SNX6: variants seen among roughly 807,000 people sequenced by gnomAD.
SNX6 encodes sorting nexin 6.
In SNX6, 34 loss-of-function variants were observed where a neutral mutation model predicts 63.0. The observed-to-expected ratio is 0.54, with a 90% CI of 0.41 to 0.72. The LOEUF is 0.72. Among genes scored for constraint, SNX6 ranks in the 30% least tolerant of loss-of-function variants. SNX6 has a pLI of 0.00. For synonymous variants in SNX6, 170 were observed against 164.2 expected (o/e 1.04, Z -0.27); for missense variants, 398 against 471.4 (o/e 0.84, Z 1.44).
At position 34,608,132 on chromosome 14, in the gene SNX6, C is replaced by T. The variant is rs1209713303; in HGVS notation, c.168G>A (p.Leu56=). The T allele has an allele frequency of 4.4e-6, 7 of 1,580,022 alleles. No individual in the cohort carries two copies. In the Admixed American group the frequency reaches 1.1e-4, roughly 24 times the overall value. ...VKFTVHTKSS[L]PNFKQNEFSV... is the part of the protein sequence containing the mutation. ...AAAACTCGTTTTGTTTAAAATTTGG[C>T]AATGAACTCTGTAAAGATAGAGATT... is the stretch of plus-strand genomic sequence containing the variant. The change falls in exon 4 of 14, where the codon TTG becomes TTA. Residue 56 remains leucine, a synonymous_variant. Transcript: ENST00000362031.
chr14:34,623,854 T>C (rs886772791), intron 2 of SNX6, among the ~76,000 whole-genome samples: 10 of 152,174 alleles, frequency 6.6e-5, no homozygotes, highest in African/African-American at 2.4e-4. Context: ...TATTTAGAAC[T>C]GAAATCAAGT....
chr14:34,570,173 A>G (rs972557621), intron 11 of SNX6, among the ~76,000 whole-genome samples: 1 of 151,742 alleles, frequency 6.6e-6, no homozygotes, highest in Non-Finnish European at 1.5e-5. Flanking sequence ...GGTTCAAGCA[A>G]TTCTCCTGCC....
chr14:34,630,054 C>CCCGCGCCCGCT, intron 1 of SNX6, 57 bp downstream of exon 1: 1 of 1,457,860 alleles, frequency 6.9e-7, no homozygotes, highest in Non-Finnish European at 9.0e-7. Context: ...CCGCGCCCGC[C>CCCGCGCCCGCT]CCGCGCCCGC....
chr14:34,596,649 T>C (rs1489946261), intron 7 of SNX6, among the ~76,000 whole-genome samples: 1 of 144,234 alleles, frequency 6.9e-6, no homozygotes, highest in African/African-American at 2.5e-5. Context: ...AGAGAGAAAA[T>C]GGAAAAGCTG....
At chr14:34,601,615 T>A (rs1004080612) in intron 6 of SNX6, among the ~76,000 whole-genome samples, 2 of 150,358 alleles carry the variant, frequency 1.3e-5, no homozygotes, top group African/African-American at 4.9e-5. Flanking sequence ...TTTTTTGAGA[T>A]GGGAATTTCA....
At chr14:34,626,991 C>T (rs184003100) in intron 2 of SNX6, among the ~76,000 whole-genome samples, 1 of 152,152 alleles carries the variant, frequency 6.6e-6, no homozygotes, top group East Asian at 1.9e-4. Flanking sequence ...TGCTAGTTTC[C>T]GCTATTTTAA....
intron 10 of SNX6, 26 bp downstream of exon 10, chr14:34,581,535 G>A (rs775765867): frequency 7.7e-7 from 1 of 1,293,024 alleles, no homozygotes; most frequent in Non-Finnish European, 1.1e-6. Flanking sequence ...ATATTATGCA[G>A]TATATCTCTA....
chr14:34,568,771 C>A, intron 11 of SNX6: 1 of 918,420 alleles, frequency 1.1e-6, no homozygotes, highest in Non-Finnish European at 1.8e-6. Context: ...TTTGCGGCCC[C>A]CATCTTGGTC....
chr14:34,587,074 C>T (rs570840168), intron 8 of SNX6, among the ~76,000 whole-genome samples: 130 of 142,484 alleles, frequency 9.1e-4, no homozygotes, highest in Admixed American at 4.5e-3. Flanking sequence ...CATTAATAGA[C>T]GTGACATGAT....
intron 2 of SNX6, among the ~76,000 whole-genome samples, chr14:34,626,661 T>C (rs1594755249): frequency 8.9e-6 from 1 of 112,528 alleles, no homozygotes; most frequent in South Asian, 3.0e-4. Context: ...AGAGCGAGAC[T>C]CCATTTCAAA....
intron 9 of SNX6, among the ~76,000 whole-genome samples, chr14:34,583,957 C>A (rs1039159606): frequency 2.0e-5 from 3 of 151,382 alleles, no homozygotes; most frequent in Non-Finnish European, 2.9e-5. Flanking sequence ...AAGCGATTCT[C>A]CTGCCTCAGC....
At chr14:34,600,933 G>A (rs903249873) in intron 6 of SNX6, among the ~76,000 whole-genome samples, 4 of 151,712 alleles carry the variant, frequency 2.6e-5, no homozygotes, top group African/African-American at 9.7e-5. Flanking sequence ...CAGAGGAGTC[G>A]CTTGAACCTG....
rs978881716 is a variant in SNX6 at position 34,612,336 on chromosome 14, T to C, written c.55-2594A>G. Among the ~76,000 whole-genome samples the C allele has an allele frequency of 4.6e-5, 7 of 152,208 alleles. No homozygotes were observed. The South Asian group carries it at 6.2e-4, about 14-fold the overall frequency. On this transcript the variant is annotated intron_variant, in intron 2 of 13. Coordinates refer to ENST00000362031, the MANE Select transcript of SNX6 (RefSeq NM_152233.4). ...CCTAGGAGCTGTAAATGTTACCTTA[T>C]ATGTCAATAAATGACTTTGCAGATG... is the stretch of plus-strand genomic sequence containing the variant.
intron 2 of SNX6, among the ~76,000 whole-genome samples, chr14:34,613,742 A>G (rs1401112361): frequency 6.6e-6 from 1 of 152,018 alleles, no homozygotes; most frequent in Non-Finnish European, 1.5e-5. Context: ...GCAGTGAGCC[A>G]AGATAGCGCC....
chr14:34,624,233 T>C (rs974619178), intron 2 of SNX6, among the ~76,000 whole-genome samples: 1 of 152,124 alleles, frequency 6.6e-6, no homozygotes. Context: ...CCCAAGTAGC[T>C]GGGATTACAG....
chr14:34,607,668 G>A (rs1883074044), intron 4 of SNX6, among the ~76,000 whole-genome samples: 1 of 151,804 alleles, frequency 6.6e-6, no homozygotes, highest in Non-Finnish European at 1.5e-5. Context: ...AGCACTTTGG[G>A]AGGCCAAGGT....
chr14:34,623,725 C>T (rs1022458025), intron 2 of SNX6, among the ~76,000 whole-genome samples: 1 of 152,088 alleles, frequency 6.6e-6, no homozygotes, highest in Non-Finnish European at 1.5e-5. Context: ...CTTGCCGGCA[C>T]AACTGGAAAG....
At chr14:34,580,608 T>C (rs1044438268) in intron 10 of SNX6, among the ~76,000 whole-genome samples, 7 of 152,110 alleles carry the variant, frequency 4.6e-5, no homozygotes, top group African/African-American at 1.7e-4. Flanking sequence ...TCCTTTATTC[T>C]TATTGGTATA....
intron 7 of SNX6, among the ~76,000 whole-genome samples, chr14:34,594,912 C>G (rs1246460137): frequency 6.6e-6 from 1 of 151,718 alleles, no homozygotes; most frequent in African/African-American, 2.4e-5. Flanking sequence ...GGCAACATGG[C>G]AAAACTCTGT....
Sources: allele counts gnomAD v4.1 joint callset (sites outside exome capture counted in the v4.1 genomes callset), GRCh38; gene constraint gnomAD v4.1.1; transcripts MANE v1.5; gene names NCBI Gene and HGNC (gene_info 2026-07-23, HGNC 2026-07-21).